The following KDM5C variants were observed in gnomAD, a reference collection of about 807,000 sequenced individuals.
The protein encoded by KDM5C is lysine-specific demethylase 5C.
In KDM5C, 16 loss-of-function variants were observed where a neutral mutation model predicts 110.6. That is an observed-to-expected ratio of 0.14 (90% CI 0.10 to 0.22). KDM5C has a LOEUF of 0.22. Ranked by LOEUF, KDM5C falls within the 10% of genes least tolerant of loss-of-function variation. The pLI is 1.00. For synonymous variants in KDM5C, 511 were observed against 520.4 expected (o/e 0.98, Z 0.24); for missense variants, 681 against 1,300.9 (o/e 0.52, Z 7.33).
chrX:53,194,798 C>T, intron 22 of KDM5C, 60 bp from the exon 23 acceptor site: 1 of 1,196,597 alleles, frequency 8.4e-7, no homozygotes, highest in East Asian at 3.0e-5. Context: ...CTTCTCTGGG[C>T]CCCCCCTTAA....
intron 25 of KDM5C, among the ~76,000 whole-genome samples, chrX:53,178,511 G>A (rs1416040768): frequency 8.9e-6 from 1 of 111,817 alleles, no homozygotes; most frequent in African/African-American, 3.2e-5. Flanking sequence ...TTTTTAAAAG[G>A]CAAGATCATG....
rs139444870 is a variant in KDM5C, at chrX:53,198,510, C to A, written c.2496G>T (p.Leu832=). 3.3e-6 allele frequency: 4 copies of A among 1,203,872 alleles called. No individual in the cohort carries two copies. Among genetic ancestry groups the A allele is most frequent in the Non-Finnish European group, 3.4e-6 (3 of 891,873 alleles). Residue 832 remains leucine, a synonymous_variant, in exon 17 of 26, where the codon CTG becomes CTT. Transcript: ENST00000375401. ...AEACVSRALG[L]VSGQEAGPHR... ...CATACCCAGCTTCCTGGCCGCTGAC[C>A]AGTCCCAGAGCTCGGGACACGCAAG...
intron 12 of KDM5C, among the ~76,000 whole-genome samples, chrX:53,206,340 T>C (rs1230692077): frequency 1.8e-5 from 2 of 111,623 alleles, no homozygotes; most frequent in African/African-American, 3.3e-5. Flanking sequence ...TAAATGGGTA[T>C]AAGGGATCTT....
At chrX:53,203,973 T>C (rs2073235651) in intron 12 of KDM5C, among the ~76,000 whole-genome samples, 1 of 111,506 alleles carries the variant, frequency 9.0e-6, no homozygotes, top group South Asian at 3.7e-4. Context: ...CAGGCTGGTC[T>C]CAAACTCCTG....
Position 53,214,837 on chromosome X carries a change from T to C in KDM5C, c.974A>G (p.Tyr325Cys), listed in dbSNP as rs2073695136. ...CCCTCGAGAACACATCCGGCAGACATATGACTCAATCTGCCAGGGGAGAAG... is the reference window on the plus strand; with the variant it reads ...CCCTCGAGAACACATCCGGCAGACACATGACTCAATCTGCCAGGGGAGAAG... The part of the protein sequence containing the change: ...NHSNAQFIES[Y>C]VCRMCSRGDE... Residue 325 changes from tyrosine (Y) to cysteine (C), a missense_variant, in exon 8 of 26, where the codon TAT (tyrosine) becomes TGT (cysteine). Physicochemically the swap from Tyr to Cys is radical, Grantham distance 194. Around this residue, in one of 14 missense-constraint regions of KDM5C, gnomAD observed 71 missense variants for 115.0 expected, o/e 0.62. Coordinates refer to ENST00000375401, the MANE Select transcript of KDM5C (RefSeq NM_004187.5). The C allele has an allele frequency of 1.7e-6, 2 of 1,211,369 alleles. No individual in the cohort carries two copies. Among genetic ancestry groups the C allele is most frequent in the Non-Finnish European group, 2.2e-6 (2 of 895,302 alleles).
At chrX:53,204,517 GA>G (rs1222796718) in intron 12 of KDM5C, among the ~76,000 whole-genome samples, 1 of 110,037 alleles carries the variant, frequency 9.1e-6, no homozygotes, top group Non-Finnish European at 1.9e-5. Flanking sequence ...TTTTTTTTGA[GA>G]CGGTGTCTCG....
At chrX:53,186,815 T>C (rs1175651700), downstream of KDM5C, among the ~76,000 whole-genome samples, 2 of 112,311 alleles carry the variant, frequency 1.8e-5, no homozygotes, top group African/African-American at 6.5e-5. Flanking sequence ...GAGGTATAGA[T>C]AGGTTTCCAC....
chrX:53,201,419 G>T (rs2073135518), intron 14 of KDM5C, 131 bp downstream of exon 14: 2 of 610,735 alleles, frequency 3.3e-6, no homozygotes, highest in East Asian at 6.8e-5. Context: ...AATGGTATGT[G>T]GTTTTCAATC....
At chrX:53,198,940 T>C (rs368793502) in intron 15 of KDM5C, 37 bp downstream of exon 15, 39 of 1,210,476 alleles carry the variant, frequency 3.2e-5, no homozygotes, top group African/African-American at 2.1e-4. Flanking sequence ...TCCATCCTCC[T>C]TCTTGCCCCA....
At chrX:53,211,375 T>A (rs2073552287) in intron 10 of KDM5C, 122 bp downstream of exon 10, 2 of 762,446 alleles carry the variant, frequency 2.6e-6, no homozygotes, top group East Asian at 3.4e-5. Context: ...CTCATCTAAA[T>A]CTCATGGCTA....
intron 7 of KDM5C, 171 bp downstream of exon 7, chrX:53,215,624 C>CT (rs1325719144): frequency 4.0e-6 from 2 of 503,828 alleles, no homozygotes; most frequent in Non-Finnish European, 7.0e-6. Flanking sequence ...CTTTCTTGCT[C>CT]TTTGTTCCAT....
chrX:53,224,051 T>C (rs1270045148), intron 1 of KDM5C, among the ~76,000 whole-genome samples: 1 of 112,395 alleles, frequency 8.9e-6, no homozygotes, highest in African/African-American at 3.2e-5. Context: ...CAGGATATTA[T>C]CATAGATGAA....
chrX:53,218,694 G>T, intron 2 of KDM5C: 1 of 409,462 alleles, frequency 2.4e-6, no homozygotes, highest in Non-Finnish European at 4.5e-6. Flanking sequence ...TCCTGCCTCA[G>T]CCTCCTGAGT....
Position 53,201,990 on chromosome X carries a change from G to T in KDM5C, c.1747-17C>A. The T allele has an allele frequency of 8.3e-7, 1 of 1,211,213 alleles. No homozygotes were observed. The highest frequency in any genetic ancestry group is 3.0e-5 in the East Asian group (1 of 33,841). On this transcript the variant is annotated splice_polypyrimidine_tract_variant and intron_variant, in intron 12 of 25. Transcript: ENST00000375401. ...GCGGACAACCTGAAGAACACAAAAG[G>T]CCATGGCTGTTGAGATAGAGATTTT...
chrX:53,189,878 GGT>G (rs1402993399), downstream of KDM5C, among the ~76,000 whole-genome samples: 2 of 112,205 alleles, frequency 1.8e-5, no homozygotes, highest in Admixed American at 1.9e-4. Flanking sequence ...GTAAGGCACA[GGT>G]GGAGACACTA....
chrX:53,178,195 T>A (rs1933933775), intron 25 of KDM5C, among the ~76,000 whole-genome samples: 1 of 112,370 alleles, frequency 8.9e-6, no homozygotes, highest in East Asian at 2.8e-4. Flanking sequence ...GTGCATTTTT[T>A]AAATGCCTGA....
chrX:53,209,393 T>G (rs1348386718), intron 12 of KDM5C, among the ~76,000 whole-genome samples: 1 of 111,094 alleles, frequency 9.0e-6, no homozygotes, highest in Non-Finnish European at 1.9e-5. Flanking sequence ...TCACTAAATT[T>G]TATAATAAAA....
chrX:53,196,635 A>C (rs1934878663), intron 19 of KDM5C, 51 bp downstream of exon 19: 1 of 1,078,719 alleles, frequency 9.3e-7, no homozygotes, highest in African/African-American at 1.8e-5. Flanking sequence ...GTCTCCACTC[A>C]ACTTTGATGT....
chrX:53,198,857 T>C lies in KDM5C; in HGVS notation c.2275A>G (p.Met759Val). Reference protein sequence around the residue: ...YRYTLDELPAMLHKLKVRAES... With the variant: ...YRYTLDELPAVLHKLKVRAES... Reference sequence around the variant, plus strand: ...GCCCGAACCTTCAGCTTATGCAGCATGGCAGGAAGCTCATCCAAGGTATAC... The same window carrying C: ...GCCCGAACCTTCAGCTTATGCAGCACGGCAGGAAGCTCATCCAAGGTATAC... Residue 759 changes from methionine to valine, a missense_variant, in exon 16 of 26, where the codon ATG becomes GTG. Met to Val is a conservative substitution (Grantham distance 21). Around this residue, in one of 14 missense-constraint regions of KDM5C, gnomAD observed 42 missense variants for 98.9 expected, o/e 0.42. Transcript: ENST00000375401. 1.7e-6 allele frequency: 2 copies of C among 1,211,989 alleles called. No homozygotes were observed. Among genetic ancestry groups the C allele is most frequent in the Non-Finnish European group, 2.2e-6 (2 of 895,520 alleles).
Sources: gnomAD v4.1 joint callset for allele counts (sites outside exome capture counted in the v4.1 genomes callset) on GRCh38, gnomAD v4.1.1 for gene constraint, gnomAD v4.1.1 regional missense constraint, MANE v1.5 for transcripts, NCBI Gene and HGNC (gene_info 2026-07-23, HGNC 2026-07-21) for gene names.